The following AGGF1 variants were observed in gnomAD, a reference collection of about 807,000 sequenced individuals.
AGGF1 encodes angiogenic factor with G patch and FHA domains 1.
AGGF1 carries 56 observed loss-of-function variants against 86.5 expected under a neutral mutation model. The observed-to-expected ratio is 0.65, with a 90% CI of 0.52 to 0.81. AGGF1 has a LOEUF of 0.81. AGGF1 is among the 30% of genes least tolerant of loss of function. The pLI, the probability that AGGF1 is intolerant of heterozygous loss-of-function variation, is 0.00. For synonymous variants in AGGF1, 313 were observed against 297.1 expected (o/e 1.05, Z -0.55); for missense variants, 816 against 850.9 (o/e 0.96, Z 0.51).
chr5:77,032,971 A>T (rs1746899367), intron 1 of AGGF1, among the ~76,000 whole-genome samples: 1 of 152,052 alleles, frequency 6.6e-6, no homozygotes, highest in Non-Finnish European at 1.5e-5. Flanking sequence ...AATACACTTT[A>T]AAAAAATAGT....
At chr5:77,036,315 C>T (rs938228439) in intron 3 of AGGF1, among the ~76,000 whole-genome samples, 1 of 152,174 alleles carries the variant, frequency 6.6e-6, no homozygotes, top group East Asian at 1.9e-4. Flanking sequence ...TGGCATCATA[C>T]ATTTATTCTC....
chr5:77,049,726 A>G (rs1747335442), intron 8 of AGGF1, among the ~76,000 whole-genome samples: 1 of 151,734 alleles, frequency 6.6e-6, no homozygotes, highest in South Asian at 2.1e-4. Context: ...ATCTTTATGT[A>G]TTTCATAGAG....
In AGGF1 at chr5:77,054,243, T is replaced by C. The variant is rs1378172963; in HGVS notation, c.1633+113T>C. On this transcript the variant is annotated intron_variant, in intron 10 of 13. Transcript: ENST00000312916. ...CATGTCTAATTGATACGATACTGCA[T>C]TGAGAGATATTTTATACAAAGCTAT... 9 of 1,236,204 alleles carry C rather than the reference T, an allele frequency of 7.3e-6. No homozygotes were observed. The East Asian group carries it at 1.4e-4, about 19-fold the overall frequency. 76.6% of individuals were successfully genotyped at this position (1,236,204 alleles called of 1,614,324 possible).
In AGGF1 at chr5:77,046,497, A is replaced by G; in HGVS notation, c.1021A>G (p.Thr341Ala). Reference sequence around the variant, plus strand: ...AGTCACTGTTCCAACTAGTGGAAATACTATAGAGTCTCCTCTTCATGAAAA... The same window carrying G: ...AGTCACTGTTCCAACTAGTGGAAATGCTATAGAGTCTCCTCTTCATGAAAA... Reference protein sequence around the residue: ...PKVTVPTSGNTIESPLHENIS... With the variant: ...PKVTVPTSGNAIESPLHENIS... Residue 341 changes from threonine (T) to alanine (A), a missense_variant, in exon 6 of 14, where the codon ACT (threonine) becomes GCT (alanine). Thr to Ala is a moderately conservative substitution (Grantham distance 58, BLOSUM62 0). Coordinates refer to ENST00000312916, the MANE Select transcript of AGGF1 (RefSeq NM_018046.5). 2 of 1,614,118 alleles carry G rather than the reference A, an allele frequency of 1.2e-6. No homozygotes were observed. The highest frequency in any genetic ancestry group is 1.7e-6 in the Non-Finnish European group (2 of 1,179,978).
chr5:77,040,104 G>T (rs927136725), intron 5 of AGGF1, among the ~76,000 whole-genome samples: 1 of 128,352 alleles, frequency 7.8e-6, no homozygotes, highest in African/African-American at 2.8e-5. Flanking sequence ...TACTTACTAG[G>T]ACAATTTTTT....
At chr5:77,046,721 A>G in intron 6 of AGGF1, 44 bp downstream of exon 6, 1 of 1,560,436 alleles carries the variant, frequency 6.4e-7, no homozygotes, top group Non-Finnish European at 8.8e-7. Context: ...CAGTCTGGTA[A>G]CTATAAAAGA....
intron 4 of AGGF1, among the ~76,000 whole-genome samples, chr5:77,038,086 C>G (rs1439314456): frequency 6.6e-6 from 1 of 152,072 alleles, no homozygotes; most frequent in African/African-American, 2.4e-5. Flanking sequence ...CTATTGTTAT[C>G]TAGAGAACAT....
chr5:77,036,193 T>C, intron 3 of AGGF1: 1 of 270,892 alleles, frequency 3.7e-6, no homozygotes, highest in Non-Finnish European at 7.1e-6. Context: ...AGTTTTCTCC[T>C]TCATTTGTCT....
At chr5:77,036,452 T>C (rs1746968597) in intron 3 of AGGF1, 104 bp from the exon 4 acceptor site, 4 of 1,149,018 alleles carry the variant, frequency 3.5e-6, no homozygotes, top group South Asian at 2.6e-5. Flanking sequence ...TTTGTAGAAA[T>C]TGAAGTCGTT....
chr5:77,039,209 A>AT (rs1393505212), intron 4 of AGGF1, among the ~76,000 whole-genome samples: 4 of 152,102 alleles, frequency 2.6e-5, no homozygotes, highest in Non-Finnish European at 4.4e-5. Flanking sequence ...AGTATTATCA[A>AT]TTTTTTTAAT....
Position 77,033,053 on chromosome 5 carries a change from G to A in AGGF1, c.211-1365G>A, listed in dbSNP as rs928846103. 3.9e-5 allele frequency among the ~76,000 whole-genome samples: 6 copies of A among 152,302 alleles called. No homozygotes were observed. The South Asian group carries it at 1.2e-3, about 32-fold the overall frequency. On this transcript the variant is annotated intron_variant, in intron 1 of 13. Transcript: ENST00000312916. ...TGAGAGGATCATCTGTCCTCCACAT[G>A]CCTCCATTTTAGTCCAATATTAAAA... is the stretch of plus-strand genomic sequence containing the variant.
intron 13 of AGGF1, among the ~76,000 whole-genome samples, chr5:77,062,502 T>C (rs903950718): frequency 3.9e-5 from 6 of 152,150 alleles, no homozygotes; most frequent in African/African-American, 1.2e-4. Flanking sequence ...AGTTTTCTTA[T>C]GAAAAAATGG....
intron 12 of AGGF1, 53 bp from the exon 13 acceptor site, chr5:77,061,650 T>C: frequency 6.6e-7 from 1 of 1,506,054 alleles, no homozygotes; most frequent in Non-Finnish European, 9.2e-7. Context: ...TTATTATAAA[T>C]GTGACCTAAA....
intron 5 of AGGF1, among the ~76,000 whole-genome samples, chr5:77,045,523 C>G (rs779207546): frequency 3.2e-4 from 48 of 152,162 alleles, no homozygotes; most frequent in Non-Finnish European, 6.3e-4. Context: ...AGACTTATGC[C>G]AGGCAAGTTA....
intron 11 of AGGF1, among the ~76,000 whole-genome samples, chr5:77,056,884 G>C (rs1747471149): frequency 6.6e-6 from 1 of 151,752 alleles, no homozygotes; most frequent in Non-Finnish European, 1.5e-5. Flanking sequence ...TCTATATCTA[G>C]AATATACAAA....
chr5:77,062,206 A>G lies in AGGF1; in HGVS notation c.1944+404A>G, dbSNP rs145913017. ...AGAGCATGTAACATGAAATATAGAG[A>G]ATAATCTCTGGAAAATGACATAGTG... On this transcript the variant is annotated intron_variant, in intron 13 of 13. Coordinates refer to ENST00000312916, the MANE Select transcript of AGGF1 (RefSeq NM_018046.5). 4.4e-4 allele frequency among the ~76,000 whole-genome samples: 67 copies of G among 152,322 alleles called. No individual in the cohort carries two copies. In the East Asian group the frequency reaches 0.01, roughly 23 times the overall value.
At chr5:77,033,808 C>A (rs1040761644) in intron 1 of AGGF1, among the ~76,000 whole-genome samples, 1 of 152,178 alleles carries the variant, frequency 6.6e-6, no homozygotes, top group African/African-American at 2.4e-5. Flanking sequence ...CAGCATGTTA[C>A]TTGCTTTTGG....
chr5:77,055,621 T>C lies in AGGF1; in HGVS notation c.1716+25T>C, dbSNP rs773099389. 3 of 1,493,054 alleles carry C rather than the reference T, an allele frequency of 2.0e-6. No individual in the cohort carries two copies. The Admixed American group carries it at 5.1e-5, about 25-fold the overall frequency. The allele number at this position is 1,493,054 out of a possible 1,614,324, so 92.5% of individuals were successfully genotyped here. ...GGTGAGGATGTTGAATATTGTTTCA[T>C]TTGTTAAGCTGTATATCTGGTTTTG... On this transcript the variant is annotated intron_variant, in intron 11 of 13. Coordinates refer to ENST00000312916, the MANE Select transcript of AGGF1 (RefSeq NM_018046.5).
intron 9 of AGGF1, among the ~76,000 whole-genome samples, chr5:77,053,022 C>T (rs930535249): frequency 1.3e-5 from 2 of 152,118 alleles, no homozygotes; most frequent in African/African-American, 4.8e-5. Context: ...GTATCTATGC[C>T]TTATTTTCAG....
Sources: gnomAD v4.1 joint callset for allele counts (sites outside exome capture counted in the v4.1 genomes callset) on GRCh38, gnomAD v4.1.1 for gene constraint, MANE v1.5 for transcripts, NCBI Gene and HGNC (gene_info 2026-07-23, HGNC 2026-07-21) for gene names.